ENOX1: variants seen among roughly 807,000 people sequenced by gnomAD.
ENOX1 encodes the protein ecto-NOX disulfide-thiol exchanger 1.
In ENOX1, 42 loss-of-function variants were observed where a neutral mutation model predicts 82.5. That is an observed-to-expected ratio of 0.51 (90% CI 0.40 to 0.66). ENOX1 has a LOEUF of 0.66. Ranked by LOEUF, ENOX1 falls within the 30% of genes least tolerant of loss-of-function variation. The pLI, the probability that ENOX1 is intolerant of heterozygous loss-of-function variation, is 0.00. For synonymous variants in ENOX1, 271 were observed against 282.2 expected (o/e 0.96, Z 0.40); for missense variants, 608 against 811.6 (o/e 0.75, Z 3.05).
intron 3 of ENOX1, among the ~76,000 whole-genome samples, chr13:43,455,537 T>C (rs1032432738): frequency 6.6e-6 from 1 of 152,298 alleles, no homozygotes; most frequent in African/African-American, 2.4e-5. Context: ...GAATCATTTT[T>C]TTCTTGTTTT....
At chr13:43,501,503 T>C (rs1386505663) in intron 2 of ENOX1, among the ~76,000 whole-genome samples, 1 of 151,698 alleles carries the variant, frequency 6.6e-6, no homozygotes, top group Non-Finnish European at 1.5e-5. Context: ...GTAGATCACA[T>C]GCTTGGTCAC....
chr13:43,555,400 T>G (rs2079389753), intron 2 of ENOX1, among the ~76,000 whole-genome samples: 1 of 152,238 alleles, frequency 6.6e-6, no homozygotes, highest in Non-Finnish European at 1.5e-5. Flanking sequence ...TTAGACATGT[T>G]GACTTCACTA....
chr13:43,524,708 C>T (rs1482904646), intron 2 of ENOX1, among the ~76,000 whole-genome samples: 1 of 152,108 alleles, frequency 6.6e-6, no homozygotes, highest in East Asian at 1.9e-4. Flanking sequence ...ATATAGCCCT[C>T]TTTTCATTGA....
intron 2 of ENOX1, chr13:43,545,232 T>G (rs937075840): frequency 2.6e-5 from 4 of 152,212 alleles, no homozygotes; most frequent in African/African-American, 4.8e-5. Flanking sequence ...CCAGTCATGT[T>G]TCAGTAAACT....
chr13:43,649,398 G>T (rs9533564), intron 2 of ENOX1, among the ~76,000 whole-genome samples: 22,739 of 152,150 alleles, frequency 0.15, 2,079 homozygotes, highest in East Asian at 0.39. Context: ...GTGAGAAGGG[G>T]CTAAGCTGAG....
At chr13:43,272,527 C>T (rs527625230) in intron 12 of ENOX1, among the ~76,000 whole-genome samples, 1 of 152,140 alleles carries the variant, frequency 6.6e-6, no homozygotes, top group African/African-American at 2.4e-5. Flanking sequence ...TAATAGAACA[C>T]CAAGATTCTT....
chr13:43,666,472 G>C (rs778748558), intron 2 of ENOX1, among the ~76,000 whole-genome samples: 2 of 152,150 alleles, frequency 1.3e-5, no homozygotes, highest in Non-Finnish European at 2.9e-5. Flanking sequence ...CATAGACACA[G>C]ACACACATGT....
chr13:43,240,861 G>C (rs2042790165), intron 14 of ENOX1, among the ~76,000 whole-genome samples: 1 of 152,180 alleles, frequency 6.6e-6, no homozygotes, highest in African/African-American at 2.4e-5. Context: ...ATGTTTTCTT[G>C]TGGGACAAAG....
At chr13:43,512,642 T>C (rs2153676976) in intron 2 of ENOX1, among the ~76,000 whole-genome samples, 1 of 151,978 alleles carries the variant, frequency 6.6e-6, no homozygotes, top group African/African-American at 2.4e-5. Context: ...TTTTTCCCAT[T>C]TTGGAGCCAA....
At chr13:43,498,815 A>G (rs992372800) in intron 2 of ENOX1, among the ~76,000 whole-genome samples, 1 of 152,106 alleles carries the variant, frequency 6.6e-6, no homozygotes, top group Admixed American at 6.6e-5. Context: ...GGCTTTTAAC[A>G]TGTGTCTACA....
Position 43,705,330 on chromosome 13 carries a change from CTA to C in ENOX1, c.-284-37788_-284-37787del, listed in dbSNP as rs60687265. Among the ~76,000 whole-genome samples, 925 of 129,830 alleles carry C rather than the reference CTA, an allele frequency of 7.1e-3. 14 individuals carry two copies. Among genetic ancestry groups the C allele is most frequent in the African/African-American group, 0.026 (894 of 34,660 alleles). The allele number at this position is 129,830 out of a possible 152,430, so 85.2% of individuals were successfully genotyped here. A position where few individuals can be genotyped will look rare whatever the true frequency, so the allele number is the denominator to read the frequency against. ...ACTCTCTCTCTCTCTCTCTCTCTCT[CTA>C]TATATATATATATTTGTAATATATA... On this transcript the variant is annotated intron_variant, in intron 1 of 16. Coordinates refer to ENST00000690772, the MANE Select transcript of ENOX1 (RefSeq NM_001347969.2).
chr13:43,260,402 T>C (rs544393432), intron 14 of ENOX1, among the ~76,000 whole-genome samples: 18 of 152,112 alleles, frequency 1.2e-4, no homozygotes, highest in African/African-American at 3.4e-4. Flanking sequence ...AGTGTGGGAG[T>C]GTGAATTGAG....
chr13:43,235,731 CAA>C (rs558553513), intron 15 of ENOX1, among the ~76,000 whole-genome samples: 2,319 of 82,550 alleles, frequency 0.028, 42 homozygotes, highest in East Asian at 0.095. Flanking sequence ...GACCCTGTCT[CAA>C]AAAAAAAAAA....
intron 1 of ENOX1, among the ~76,000 whole-genome samples, chr13:43,691,113 C>A (rs1023837482): frequency 2.0e-5 from 3 of 152,160 alleles, no homozygotes; most frequent in Non-Finnish European, 4.4e-5. Flanking sequence ...GTCAACCCTG[C>A]CATCTCCTTC....
intron 5 of ENOX1, among the ~76,000 whole-genome samples, chr13:43,361,852 T>C (rs1355921944): frequency 6.6e-6 from 1 of 152,100 alleles, no homozygotes; most frequent in East Asian, 1.9e-4. Flanking sequence ...GTGAATCTAA[T>C]TGTCAACGTG....
At chr13:43,241,750 T>C (rs1170114094) in intron 14 of ENOX1, among the ~76,000 whole-genome samples, 1 of 152,222 alleles carries the variant, frequency 6.6e-6, no homozygotes, top group African/African-American at 2.4e-5. Flanking sequence ...TCACAGACTT[T>C]TTAAAAGACT....
At chr13:43,270,710 C>T (rs1396360749) in intron 12 of ENOX1, among the ~76,000 whole-genome samples, 4 of 152,178 alleles carry the variant, frequency 2.6e-5, no homozygotes, top group Non-Finnish European at 5.9e-5. Context: ...CTTGCTTGTT[C>T]TGCTAACTAC....
At chr13:43,507,338 A>C (rs1391589191) in intron 2 of ENOX1, among the ~76,000 whole-genome samples, 2 of 152,024 alleles carry the variant, frequency 1.3e-5, no homozygotes, top group African/African-American at 4.8e-5. Context: ...CAAGAGGTAA[A>C]CATAATCAAT....
intron 3 of ENOX1, among the ~76,000 whole-genome samples, chr13:43,477,235 GTATAA>G (rs1240715563): frequency 6.6e-6 from 1 of 151,156 alleles, no homozygotes; most frequent in African/African-American, 2.4e-5. Flanking sequence ...GTGATAAATG[GTATAA>G]TATACAACAA....
Sources: allele counts gnomAD v4.1 joint callset (sites outside exome capture counted in the v4.1 genomes callset), GRCh38; gene constraint gnomAD v4.1.1; transcripts MANE v1.5; gene names NCBI Gene and HGNC (gene_info 2026-07-23, HGNC 2026-07-21).